Variants in RAB40B observed in about 807,000 individuals in gnomAD.
RAB40B encodes the protein RAB40B, member RAS oncogene family.
RAB40B carries 21 observed loss-of-function variants against 24.0 expected under a neutral mutation model. The ratio of observed to expected loss-of-function variants is 0.88; its 90% CI spans 0.62 to 1.26. The LOEUF is 1.26. Among genes scored for constraint, RAB40B ranks in the 50% most tolerant of loss-of-function variants. The probability of loss-of-function intolerance (pLI) is 0.00; values close to 1 mark genes in which losing one functional copy is unlikely to be tolerated. For synonymous variants in RAB40B, 167 were observed against 169.8 expected (o/e 0.98, Z 0.13); for missense variants, 348 against 390.5 (o/e 0.89, Z 0.92).
intron 2 of RAB40B, chr17:82,661,984 G>A (rs972183229): frequency 5.1e-6 from 5 of 985,172 alleles, no homozygotes; most frequent in Admixed American, 1.2e-4. Flanking sequence ...GGGACAGCCA[G>A]CGCTGTTTCC....
At chr17:82,662,555 A>G (rs2046187514) in intron 2 of RAB40B, 6 of 984,966 alleles carry the variant, frequency 6.1e-6, no homozygotes, top group Non-Finnish European at 7.2e-6. Flanking sequence ...CAGGCAGAAG[A>G]CCCAGTTGTG....
intron 2 of RAB40B, chr17:82,662,614 T>G: frequency 1.0e-6 from 1 of 984,996 alleles, no homozygotes; most frequent in Non-Finnish European, 1.2e-6. Flanking sequence ...GGGTCCACGG[T>G]GGGAGTGTGA....
At chr17:82,685,517 A>G (rs561581992) in intron 1 of RAB40B, among the ~76,000 whole-genome samples, 2 of 152,264 alleles carry the variant, frequency 1.3e-5, no homozygotes, top group African/African-American at 4.8e-5. Context: ...TGAAACGCTC[A>G]GATGGGGCGG....
chr17:82,657,908 CT>C lies in RAB40B; in HGVS notation c.791del (p.Gln264ArgfsTer88), dbSNP rs1568026856. On this transcript the variant is annotated frameshift_variant, in exon 6 of 6. Coordinates refer to ENST00000571995, the MANE Select transcript of RAB40B (RefSeq NM_006822.3). LOFTEE classifies it high-confidence loss of function. ...TTCTGGTGCAGTTTTTGGGGGGGCT[CT>C]GGGGGGGGCGGACGAGCTTCACTTT... ...LRKVKLVRPP[Q>X]SPPKNCTRNS... The C allele has an allele frequency of 1.2e-6, 1 of 844,278 alleles. No individual in the cohort carries two copies. The highest frequency in any genetic ancestry group is 1.6e-6 in the Non-Finnish European group (1 of 608,218). 52.3% of individuals were successfully genotyped at this position (844,278 alleles called of 1,614,324 possible).
chr17:82,689,904 T>G (rs367606138), intron 1 of RAB40B, among the ~76,000 whole-genome samples: 1 of 150,706 alleles, frequency 6.6e-6, no homozygotes, highest in Non-Finnish European at 1.5e-5. Context: ...GAGGCGGAGG[T>G]TGCAGTGAAC....
chr17:82,657,362 T>C lies in RAB40B; in HGVS notation c.*501A>G. 4.3e-6 allele frequency: 1 copy of C among 233,862 alleles called. No homozygotes were observed. Among genetic ancestry groups the C allele is most frequent in the Non-Finnish European group, 8.7e-6 (1 of 115,286 alleles). The allele number at this position is 233,862 out of a possible 1,614,324, so 14.5% of individuals were successfully genotyped here. On this transcript the variant is annotated 3_prime_UTR_variant, in exon 6 of 6. Transcript: ENST00000571995. ...TATCAAATCCATTTCATACACAAAC[T>C]GGACAGATCAGTTGCACATAACCTC...
chr17:82,658,813 C>T (rs1257742313), intron 4 of RAB40B, 100 bp from the exon 5 acceptor site: 3 of 1,057,028 alleles, frequency 2.8e-6, no homozygotes, highest in Non-Finnish European at 2.7e-6. Flanking sequence ...CCCACGAGTT[C>T]ATGTCCACCC....
intron 1 of RAB40B, among the ~76,000 whole-genome samples, chr17:82,672,593 T>C (rs1215370819): frequency 1.3e-5 from 2 of 152,078 alleles, no homozygotes; most frequent in Non-Finnish European, 2.9e-5. Context: ...GTCAGCAGGG[T>C]GGGGCCCTGA....
At position 82,698,534 on chromosome 17, in the gene RAB40B, GC is replaced by G; in HGVS notation, c.62del (p.Gly21AlafsTer43). The G allele has an allele frequency of 6.5e-7, 1 of 1,528,778 alleles. No individual in the cohort carries two copies. The highest frequency in any genetic ancestry group is 8.8e-7 in the Non-Finnish European group (1 of 1,133,310). The allele number at this position is 1,528,778 out of a possible 1,614,324, so 94.7% of individuals were successfully genotyped here. A position where few individuals can be genotyped will look rare whatever the true frequency, so the allele number is the denominator to read the frequency against. ...YDFLLKFLLV[G>X]DSDVGKGEIL... Reference sequence around the variant, plus strand: ...TCTCGCCCTTGCCCACGTCGCTGTCGCCCACCAGCAGGAACTTGAGCAGAAA... The same window carrying G: ...TCTCGCCCTTGCCCACGTCGCTGTCGCCACCAGCAGGAACTTGAGCAGAAA... On this transcript the variant is annotated frameshift_variant, in exon 1 of 6. Transcript: ENST00000571995. LOFTEE classifies it high-confidence loss of function.
intron 1 of RAB40B, among the ~76,000 whole-genome samples, chr17:82,669,483 TAAAAATA>T (rs959977422): frequency 1.3e-5 from 2 of 150,998 alleles, no homozygotes; most frequent in Non-Finnish European, 3.0e-5. Flanking sequence ...CTCAAAAAAA[TAAAAATA>T]AAAAATAAAA....
At position 82,667,754 on chromosome 17, in the gene RAB40B, T is replaced by A. The variant is rs1177116870; in HGVS notation, c.143-3198A>T. 6.6e-6 allele frequency among the ~76,000 whole-genome samples: 1 copy of A among 152,130 alleles called. No individual in the cohort carries two copies. The highest frequency in any genetic ancestry group is 6.5e-5 in the Admixed American group (1 of 15,276). ...CAGAGGACAAAAGATACAGCAGCACTGAGAACGCCCGAAGCACCCGCTTTG... is the reference window on the plus strand; with the variant it reads ...CAGAGGACAAAAGATACAGCAGCACAGAGAACGCCCGAAGCACCCGCTTTG... On this transcript the variant is annotated intron_variant, in intron 1 of 5. Coordinates refer to ENST00000571995, the MANE Select transcript of RAB40B (RefSeq NM_006822.3). The surrounding 1 kb of genome is among the most constrained non-coding windows in gnomAD (Gnocchi z 4.3).
chr17:82,673,991 T>C (rs2046366826), intron 1 of RAB40B, among the ~76,000 whole-genome samples: 1 of 152,238 alleles, frequency 6.6e-6, no homozygotes, highest in South Asian at 2.1e-4. Flanking sequence ...AATTATTGTT[T>C]TCAATGTCCA....
intron 1 of RAB40B, among the ~76,000 whole-genome samples, chr17:82,677,910 C>A (rs1327518407): frequency 1.3e-5 from 2 of 152,226 alleles, no homozygotes; most frequent in Non-Finnish European, 2.9e-5. Context: ...CAGCGAGCAG[C>A]GACCAAACTC....
chr17:82,661,169 C>A, intron 2 of RAB40B, 122 bp from the exon 3 acceptor site: 2 of 1,486,200 alleles, frequency 1.3e-6, no homozygotes, highest in Non-Finnish European at 1.8e-6. Flanking sequence ...ACCACGCCGC[C>A]AGCGTGAGAC....
intron 1 of RAB40B, among the ~76,000 whole-genome samples, chr17:82,696,205 G>C (rs1054046482): frequency 6.6e-6 from 1 of 152,212 alleles, no homozygotes; most frequent in East Asian, 1.9e-4. Context: ...TCCTCCCTCC[G>C]TGTCAAGGGA....
chr17:82,698,011 G>A (rs148233029), intron 1 of RAB40B, among the ~76,000 whole-genome samples: 4,509 of 151,996 alleles, frequency 0.03, 216 homozygotes, highest in African/African-American at 0.1. Flanking sequence ...CCCGGAGCTC[G>A]CGTCCCCTCC....
intron 3 of RAB40B, among the ~76,000 whole-genome samples, chr17:82,660,779 G>A (rs762576237): frequency 7.9e-5 from 12 of 152,200 alleles, no homozygotes; most frequent in Admixed American, 5.2e-4. Context: ...ACACAGTCCC[G>A]TAAATGCACG....
chr17:82,678,566 C>A (rs1190030861), intron 1 of RAB40B, among the ~76,000 whole-genome samples: 1 of 152,222 alleles, frequency 6.6e-6, no homozygotes, highest in Non-Finnish European at 1.5e-5. Flanking sequence ...ACCGCCTTCA[C>A]AAGCGAGGAT....
At chr17:82,659,257 C>G (rs1006142503) in intron 4 of RAB40B, 1 of 356,676 alleles carries the variant, frequency 2.8e-6, no homozygotes, top group African/African-American at 2.1e-5. Context: ...CAGGCACAAG[C>G]GCCGGTCACT....
Sources: gnomAD v4.1 joint callset for allele counts (sites outside exome capture counted in the v4.1 genomes callset) on GRCh38, gnomAD v4.1.1 for gene constraint, Gnocchi (gnomAD v3.1) non-coding constraint, MANE v1.5 for transcripts, NCBI Gene and HGNC (gene_info 2026-07-23, HGNC 2026-07-21) for gene names.